The following CEP131 variants were observed in gnomAD, a reference collection of about 807,000 sequenced individuals.
CEP131 encodes centrosomal protein 131, also known as centrosomal protein of 131 kDa.
In CEP131, 99 loss-of-function variants were observed where a neutral mutation model predicts 136.8. The ratio of observed to expected loss-of-function variants is 0.72; its 90% CI spans 0.62 to 0.86. CEP131 has a LOEUF of 0.86. CEP131 is among the 40% of genes least tolerant of loss of function. CEP131 has a pLI of 0.00. For synonymous variants in CEP131, 646 were observed against 612.7 expected (o/e 1.05, Z -0.80); for missense variants, 1,459 against 1,463.0 (o/e 1.00, Z 0.04).
Position 81,206,824 on chromosome 17 carries a change from G to A in CEP131, c.435C>T (p.Ser145=), listed in dbSNP as rs1161211007. ...GGCCCGCTGGTGAGTCAAGGGCACT[G>A]GAACTCCGGGCATTGGATGGCAAGG... is the stretch of plus-strand genomic sequence containing the variant. ...GFTLPSNARS[S]SALDSPAGPR... The change falls in exon 5 of 26, where the codon TCC becomes TCT. Residue 145 remains serine (S), a synonymous_variant. Coordinates refer to ENST00000450824, the MANE Select transcript of CEP131 (RefSeq NM_014984.4). 2.5e-6 allele frequency: 4 copies of A among 1,614,118 alleles called. No individual in the cohort carries two copies. The East Asian group carries it at 6.7e-5, about 27-fold the overall frequency.
chr17:81,202,192 T>G, intron 7 of CEP131, 48 bp downstream of exon 7: 5 of 828,492 alleles, frequency 6.0e-6, no homozygotes, highest in Non-Finnish European at 6.4e-6. Context: ...CCTGCCCACC[T>G]CTGTGTTCTA....
chr17:81,214,666 C>A (rs1302503528), intron 2 of CEP131, among the ~76,000 whole-genome samples: 1 of 152,208 alleles, frequency 6.6e-6, no homozygotes, highest in Admixed American at 6.5e-5. Context: ...AACTGTGCTG[C>A]ACGTGTGCCA....
At chr17:81,192,685 G>GGGGGGGGGGCGGCCC in intron 19 of CEP131, 51 bp downstream of exon 19, 5 of 478,432 alleles carry the variant, frequency 1.0e-5, no homozygotes, top group Non-Finnish European at 2.0e-5. Flanking sequence ...GGGGGGAGGG[G>GGGGGGGGGGCGGCCC]TCAGCCAGCG....
intron 5 of CEP131, among the ~76,000 whole-genome samples, chr17:81,206,497 T>C (rs1246529498): frequency 6.7e-6 from 1 of 149,988 alleles, no homozygotes; most frequent in Non-Finnish European, 1.5e-5. Flanking sequence ...CTCAGCCCCA[T>C]GTGAGCCTCC....
chr17:81,196,037 G>A (rs79037566), intron 15 of CEP131, 86 bp from the exon 16 acceptor site: 3 of 1,164,106 alleles, frequency 2.6e-6, no homozygotes, highest in Admixed American at 1.9e-5. Flanking sequence ...CAGCCTCCGA[G>A]GGAGGCTAAC....
chr17:81,198,424 G>C (rs1219555122), intron 11 of CEP131, 127 bp from the exon 12 acceptor site: 5 of 1,000,476 alleles, frequency 5.0e-6, no homozygotes, highest in Non-Finnish European at 7.2e-6. Flanking sequence ...TTCAGCCCCA[G>C]GAAGGTGAGG....
In CEP131 at chr17:81,197,667, G is replaced by A. The variant is rs976677563; in HGVS notation, c.1647+45C>T. On this transcript the variant is annotated intron_variant, in intron 13 of 25. Transcript: ENST00000450824. Reference sequence around the variant, plus strand: ...GAGGGCCAGGTGCAGGCTCGTGAGGGGCCTCCTCCCACTGGGGGCCGGGTG... The same window carrying A: ...GAGGGCCAGGTGCAGGCTCGTGAGGAGCCTCCTCCCACTGGGGGCCGGGTG... The A allele has an allele frequency of 4.4e-6, 7 of 1,575,040 alleles. No homozygotes were observed. In the Admixed American group the frequency reaches 5.2e-5, roughly 12 times the overall value.
intron 17 of CEP131, among the ~76,000 whole-genome samples, 179 bp downstream of exon 17, chr17:81,194,691 C>CG: frequency 6.6e-6 from 1 of 151,516 alleles, no homozygotes; most frequent in East Asian, 2.0e-4. Flanking sequence ...ACCTGCCCCC[C>CG]GGGTCACGGC....
intron 24 of CEP131, 35 bp downstream of exon 24, chr17:81,190,603 GC>G (rs761040753): frequency 1.3e-6 from 2 of 1,517,096 alleles, no homozygotes; most frequent in South Asian, 2.5e-5. Flanking sequence ...CCCCTGCCCC[GC>G]CTCCGTCTCC....
Position 81,220,046 on chromosome 17 carries a change from G to A in CEP131, c.11C>T (p.Thr4Ile), listed in dbSNP as rs565949738. The change falls in exon 2 of 26, where the codon ACC (threonine) becomes ATC (isoleucine). Residue 4 changes from threonine to isoleucine, a missense_variant. Physicochemically the swap from Thr to Ile is moderately conservative, Grantham distance 89. Coordinates refer to ENST00000450824, the MANE Select transcript of CEP131 (RefSeq NM_014984.4). MKG[T>I]RAIGSVPERS... ...CTCCGGGACGCTGCCGATGGCCCGG[G>A]TGCCTTTCATGGTGGACAAGGCAGG... 1.3e-6 allele frequency: 2 copies of A among 1,585,904 alleles called. No individual in the cohort carries two copies. The highest frequency in any genetic ancestry group is 2.3e-5 in the East Asian group (1 of 43,286).
chr17:81,199,460 T>C lies in CEP131; in HGVS notation c.1113A>G (p.Pro371=), dbSNP rs778795068. ...GCTCCTGAGCAGGCTGCCGCATTCC[T>C]GGCACTCTGGTCTCCCTGGGATTCT... The part of the protein sequence containing the change: ...PPENPRETRV[P]GMRQPAQELS... Residue 371 remains proline (P), a synonymous_variant, in exon 10 of 26, where the codon CCA becomes CCG. Transcript: ENST00000450824. 4 of 1,608,528 alleles carry C rather than the reference T, an allele frequency of 2.5e-6. No individual in the cohort carries two copies. In the African/African-American group the frequency reaches 4.0e-5, roughly 16 times the overall value.
intron 21 of CEP131, among the ~76,000 whole-genome samples, chr17:81,191,612 A>C (rs913613359): frequency 3.3e-5 from 5 of 152,104 alleles, no homozygotes; most frequent in African/African-American, 1.2e-4. Flanking sequence ...CTGCTACCAG[A>C]TGGGATGGGA....
Position 81,189,704 on chromosome 17 carries a change from C to T in CEP131, c.*65G>A. On this transcript the variant is annotated 3_prime_UTR_variant, in exon 26 of 26. Coordinates refer to ENST00000450824, the MANE Select transcript of CEP131 (RefSeq NM_014984.4). ...GGCAGGTGGGCGTCCCTGTGGGCCTCTGGGCCCACGTCCAGCCTCTGTCCT... is the reference window on the plus strand; with the variant it reads ...GGCAGGTGGGCGTCCCTGTGGGCCTTTGGGCCCACGTCCAGCCTCTGTCCT... 1 of 1,490,888 alleles carries T rather than the reference C, an allele frequency of 6.7e-7. No homozygotes were observed. The highest frequency in any genetic ancestry group is 9.0e-7 in the Non-Finnish European group (1 of 1,112,246). 92.4% of individuals were successfully genotyped at this position (1,490,888 alleles called of 1,614,324 possible).
chr17:81,201,466 A>C (rs1173007048), intron 7 of CEP131, among the ~76,000 whole-genome samples: 1 of 151,770 alleles, frequency 6.6e-6, no homozygotes, highest in Non-Finnish European at 1.5e-5. Flanking sequence ...AACAGTCATC[A>C]TCACAGGAGG....
Position 81,196,950 on chromosome 17 carries a change from G to C in CEP131, c.1753C>G (p.Leu585Val). Reference sequence around the variant, plus strand: ...GTTACCAGCGCTCTCTGCAGCAGCAGCATGGCCTGCTTCTTCTCCTCCACC... The same window carrying C: ...GTTACCAGCGCTCTCTGCAGCAGCACCATGGCCTGCTTCTTCTCCTCCACC... ...LEVEEKKQAMLLLQRALAQQR... is the reference protein window; with the variant it reads ...LEVEEKKQAMVLLQRALAQQR... Residue 585 changes from leucine (L) to valine (V), a missense_variant, in exon 14 of 26, where the codon CTG (leucine) becomes GTG (valine). By Grantham distance (32) the Leu-to-Val change is conservative (BLOSUM62 1). Coordinates refer to ENST00000450824, the MANE Select transcript of CEP131 (RefSeq NM_014984.4). 6.2e-7 allele frequency: 1 copy of C among 1,609,164 alleles called. No individual in the cohort carries two copies. Among genetic ancestry groups the C allele is most frequent in the Non-Finnish European group, 8.5e-7 (1 of 1,178,268 alleles).
At position 81,219,801 on chromosome 17, in the gene CEP131, T is replaced by C; in HGVS notation, c.177+79A>G. 2 of 1,402,994 alleles carry C rather than the reference T, an allele frequency of 1.4e-6. No homozygotes were observed. The highest frequency in any genetic ancestry group is 9.5e-7 in the Non-Finnish European group (1 of 1,053,344). The allele number at this position is 1,402,994 out of a possible 1,614,324, so 86.9% of individuals were successfully genotyped here. On this transcript the variant is annotated intron_variant, in intron 2 of 25. Coordinates refer to ENST00000450824, the MANE Select transcript of CEP131 (RefSeq NM_014984.4). The surrounding 1 kb of genome is among the most constrained non-coding windows in gnomAD (Gnocchi z 4.0). ...TGAGGCACTTGTTCACCTGTGGAGC[T>C]GGACCCAGGGGTCAGATGCCAACTG... is the stretch of plus-strand genomic sequence containing the variant.
intron 2 of CEP131, among the ~76,000 whole-genome samples, chr17:81,212,794 G>C (rs2062163974): frequency 6.6e-6 from 1 of 152,178 alleles, no homozygotes; most frequent in African/African-American, 2.4e-5. Context: ...GGTGCCACTA[G>C]CGGCAGAGAC....
chr17:81,196,034 C>T (rs1045341034), intron 15 of CEP131, 83 bp from the exon 16 acceptor site: 72 of 1,196,030 alleles, frequency 6.0e-5, no homozygotes, highest in Non-Finnish European at 7.5e-5. Flanking sequence ...TCCCAGCCTC[C>T]GAGGGAGGCT....
In CEP131 at chr17:81,219,927, G is replaced by A. The variant is rs145522664; in HGVS notation, c.130C>T (p.Arg44Cys). Residue 44 changes from arginine to cysteine, a missense_variant, in exon 2 of 26, where the codon CGC (arginine) becomes TGC (cysteine). Arg to Cys is a radical substitution (Grantham distance 180). Around this residue, in one of 3 missense-constraint regions of CEP131, gnomAD observed 187 missense variants for 179.9 expected, o/e 1.04. Coordinates refer to ENST00000450824, the MANE Select transcript of CEP131 (RefSeq NM_014984.4). This position sits in a 1 kb window ranked among gnomAD's most constrained non-coding sequence, Gnocchi z 4.0. ...GSAATTKPIV[R>C]SVSVVTGSEQ... is the part of the protein sequence containing the mutation. Reference sequence around the variant, plus strand: ...CTGCCTGTGACCACGGAGACAGAGCGGACGATGGGCTTGGTGGTGGCGGCA... The same window carrying A: ...CTGCCTGTGACCACGGAGACAGAGCAGACGATGGGCTTGGTGGTGGCGGCA... 4.3e-3 allele frequency: 6,897 copies of A among 1,611,902 alleles called. 25 individuals are homozygous for A. The highest frequency in any genetic ancestry group is 5.3e-3 in the Non-Finnish European group (6,209 of 1,179,072).
Sources: allele counts gnomAD v4.1 joint callset (sites outside exome capture counted in the v4.1 genomes callset), GRCh38; gene constraint gnomAD v4.1.1; regional missense constraint gnomAD v4.1.1; non-coding constraint Gnocchi (gnomAD v3.1); transcripts MANE v1.5; gene names NCBI Gene and HGNC (gene_info 2026-07-23, HGNC 2026-07-21).